ENOX1: variants seen among roughly 807,000 people sequenced by gnomAD.
The protein encoded by ENOX1 is ecto-NOX disulfide-thiol exchanger 1, also known as candidate growth-related and time keeping constitutive hydroquinone (NADH) oxidase.
Under a neutral mutation model 82.5 loss-of-function variants are expected in ENOX1, and 42 were observed. The ratio of observed to expected loss-of-function variants is 0.51; its 90% CI spans 0.40 to 0.66. The LOEUF (loss-of-function observed/expected upper bound fraction) is 0.66. Among genes scored for constraint, ENOX1 ranks in the 30% least tolerant of loss-of-function variants. ENOX1 has a pLI of 0.00. For missense variants in ENOX1, 608 were observed against 811.6 expected (o/e 0.75, Z 3.05); for synonymous variants, 271 against 282.2 (o/e 0.96, Z 0.40).
intron 9 of ENOX1, among the ~76,000 whole-genome samples, chr13:43,335,737 A>G (rs1594005984): frequency 6.7e-6 from 1 of 148,606 alleles, no homozygotes; most frequent in East Asian, 2.1e-4. Flanking sequence ...CTCAGTGTAT[A>G]TATTTTCCAC....
At chr13:43,735,485 C>T (rs979939437) in intron 1 of ENOX1, among the ~76,000 whole-genome samples, 7 of 151,984 alleles carry the variant, frequency 4.6e-5, no homozygotes, top group Non-Finnish European at 2.9e-5. Context: ...TTTGGGAGGC[C>T]GAGGCGGGTG....
At chr13:43,439,388 G>C (rs2056232700) in intron 3 of ENOX1, among the ~76,000 whole-genome samples, 1 of 151,990 alleles carries the variant, frequency 6.6e-6, no homozygotes, top group African/African-American at 2.4e-5. Context: ...TTTTAATAGA[G>C]ACAGGGTTTC....
At position 43,630,874 on chromosome 13, in the gene ENOX1, C is replaced by CACACACACACAT. The variant is rs768788507; in HGVS notation, c.-219+36604_-219+36605insATGTGTGTGTGT. On this transcript the variant is annotated intron_variant, in intron 2 of 16. Transcript: ENST00000690772. ...ATATATATATATACACACACACACA[C>CACACACACACAT]ATATATATACACATATATATACACG... 1.3e-3 allele frequency among the ~76,000 whole-genome samples: 182 copies of CACACACACACAT among 144,654 alleles called. 1 individual carries two copies. The highest frequency in any genetic ancestry group is 4.0e-3 in the African/African-American group (160 of 40,442). The allele number at this position is 144,654 out of a possible 152,430, so 94.9% of individuals were successfully genotyped here.
intron 14 of ENOX1, among the ~76,000 whole-genome samples, chr13:43,253,962 T>C (rs2043604159): frequency 6.6e-6 from 1 of 152,224 alleles, no homozygotes; most frequent in African/African-American, 2.4e-5. Context: ...GACTTTAAAA[T>C]GATATTGCTT....
chr13:43,313,765 T>C (rs4942210), intron 11 of ENOX1, among the ~76,000 whole-genome samples: 67,520 of 152,002 alleles, frequency 0.44, 15,265 homozygotes, highest in South Asian at 0.62. Flanking sequence ...TATTGAGAAC[T>C]TTCTTTCATT....
At chr13:43,536,344 T>C (rs1180000045) in intron 2 of ENOX1, among the ~76,000 whole-genome samples, 2 of 152,252 alleles carry the variant, frequency 1.3e-5, no homozygotes, top group South Asian at 2.1e-4. Flanking sequence ...TTTGCATTCA[T>C]GTTTTTGAAT....
At chr13:43,262,969 C>CTCG (rs1232901439) in intron 14 of ENOX1, among the ~76,000 whole-genome samples, 1 of 152,180 alleles carries the variant, frequency 6.6e-6, no homozygotes, top group Non-Finnish European at 1.5e-5. Flanking sequence ...GTCTGAAGGC[C>CTCG]TCGTCTCTTT....
rs140398885 is a variant in ENOX1 at position 43,275,988 on chromosome 13, C to T, written c.1447-6411G>A. 1.9e-4 allele frequency among the ~76,000 whole-genome samples: 29 copies of T among 152,198 alleles called. No homozygotes were observed. In the East Asian group the frequency reaches 3.5e-3, roughly 18 times the overall value. On this transcript the variant is annotated intron_variant, in intron 12 of 16. Transcript: ENST00000690772. ...CTTGTTCCACTTATTGGAAATGAGCCACTGAATATTCACGATAATCTGGGA... is the reference window on the plus strand; with the variant it reads ...CTTGTTCCACTTATTGGAAATGAGCTACTGAATATTCACGATAATCTGGGA...
intron 12 of ENOX1, among the ~76,000 whole-genome samples, chr13:43,284,607 T>TAAG (rs899424505): frequency 1.3e-5 from 2 of 152,068 alleles, no homozygotes; most frequent in South Asian, 2.1e-4. Flanking sequence ...AAGAAGAAAA[T>TAAG]ATGATAATTT....
intron 3 of ENOX1, among the ~76,000 whole-genome samples, chr13:43,451,168 C>T (rs78711375): frequency 6.6e-6 from 1 of 152,290 alleles, no homozygotes; most frequent in East Asian, 1.9e-4. Context: ...AAGGACCTTA[C>T]ATACCGAGTC....
intron 1 of ENOX1, among the ~76,000 whole-genome samples, chr13:43,754,071 TATAA>T (rs1950484908): frequency 7.0e-6 from 1 of 142,750 alleles, no homozygotes; most frequent in African/African-American, 2.6e-5. Context: ...TATATACGTA[TATAA>T]ATACACATAT....
rs180775762 is a variant in ENOX1, at chr13:43,603,537, C to T, written c.-219+63942G>A. Reference sequence around the variant, plus strand: ...TATCTCCTAATGCTATCCCTCCCCCCTCCCCCCACCCCACAACAGGCCCTG... The same window carrying T: ...TATCTCCTAATGCTATCCCTCCCCCTTCCCCCCACCCCACAACAGGCCCTG... On this transcript the variant is annotated intron_variant, in intron 2 of 16. Transcript: ENST00000690772. Among the ~76,000 whole-genome samples, 6 of 137,288 alleles carry T rather than the reference C, an allele frequency of 4.4e-5. 1 individual carries two copies. In the South Asian group the frequency reaches 1.5e-3, roughly 34 times the overall value. The allele number at this position is 137,288 out of a possible 152,430, so 90.1% of individuals were successfully genotyped here.
chr13:43,523,195 TA>T (rs2077846852), intron 2 of ENOX1, among the ~76,000 whole-genome samples: 1 of 152,168 alleles, frequency 6.6e-6, no homozygotes, highest in Non-Finnish European at 1.5e-5. Context: ...TGCATCAGAA[TA>T]ATCTGAGGTG....
intron 12 of ENOX1, among the ~76,000 whole-genome samples, chr13:43,282,081 A>AT (rs1340880119): frequency 6.6e-6 from 1 of 151,942 alleles, no homozygotes; most frequent in East Asian, 1.9e-4. Flanking sequence ...TAAAACCTTC[A>AT]TTTTTCTTGG....
intron 2 of ENOX1, among the ~76,000 whole-genome samples, chr13:43,583,103 C>T (rs919831740): frequency 6.6e-6 from 1 of 152,092 alleles, no homozygotes; most frequent in Non-Finnish European, 1.5e-5. Flanking sequence ...ATTTAAACTC[C>T]TTCAAAGCAT....
intron 3 of ENOX1, among the ~76,000 whole-genome samples, chr13:43,426,876 C>G (rs2055339284): frequency 6.6e-6 from 1 of 152,096 alleles, no homozygotes; most frequent in African/African-American, 2.4e-5. Context: ...GACACATAAT[C>G]AACATAAAAC....
intron 2 of ENOX1, among the ~76,000 whole-genome samples, chr13:43,651,706 A>AAAAAAAAAAAAAAAAAAACAAAAAAAC (rs2084182740): frequency 6.9e-6 from 1 of 144,986 alleles, no homozygotes; most frequent in Non-Finnish European, 1.5e-5. Context: ...AAAAAAAAAA[A>AAAAAAAAAAAAAAAAAAACAAAAAAAC]TCACACCTAT....
At chr13:43,448,424 C>T (rs2056776631) in intron 3 of ENOX1, among the ~76,000 whole-genome samples, 1 of 152,140 alleles carries the variant, frequency 6.6e-6, no homozygotes, top group South Asian at 2.1e-4. Context: ...ATCAACTTAG[C>T]TCTAGGTTTT....
chr13:43,579,978 G>C (rs2080631852), intron 2 of ENOX1, among the ~76,000 whole-genome samples: 1 of 152,124 alleles, frequency 6.6e-6, no homozygotes, highest in Non-Finnish European at 1.5e-5. Flanking sequence ...AGGAGGGTAG[G>C]GGTAGGGTGG....
Sources: gnomAD v4.1 joint callset for allele counts (sites outside exome capture counted in the v4.1 genomes callset) on GRCh38, gnomAD v4.1.1 for gene constraint, MANE v1.5 for transcripts, NCBI Gene and HGNC (gene_info 2026-07-23, HGNC 2026-07-21) for gene names.